Variants in SMG1 observed in about 807,000 individuals in gnomAD.
The protein encoded by SMG1 is serine/threonine-protein kinase SMG1.
In SMG1, 22 loss-of-function variants were observed where a neutral mutation model predicts 419.9. The observed-to-expected ratio is 0.05, with a 90% confidence interval of 0.04 to 0.07. SMG1 has a LOEUF of 0.07. Ranked by LOEUF, SMG1 falls within the 10% of genes least tolerant of loss-of-function variation. The pLI, the probability that SMG1 is intolerant of heterozygous loss-of-function variation, is 1.00. For synonymous variants in SMG1, 1,538 were observed against 1,553.5 expected (o/e 0.99, Z 0.23); for missense variants, 3,185 against 4,342.0 (o/e 0.73, Z 7.49).
chr16:18,817,604 G>A, intron 56 of SMG1, 134 bp from the exon 57 acceptor site: 1 of 717,028 alleles, frequency 1.4e-6, no homozygotes, highest in Non-Finnish European at 2.2e-6. Context: ...GAAAATGTTT[G>A]GGAAATAGAC....
chr16:18,885,526 G>C lies in SMG1; in HGVS notation c.948+15C>G. ...CCCTCACCCCATGATCTGAAAAGCG[G>C]AATGAGGAACTCACCCTAAAATTAG... On this transcript the variant is annotated intron_variant, in intron 7 of 62. Transcript: ENST00000446231. 3 of 1,595,870 alleles carry C rather than the reference G, an allele frequency of 1.9e-6. No individual in the cohort carries two copies. The East Asian group carries it at 6.7e-5, about 36-fold the overall frequency.
At chr16:18,916,030 T>C (rs536207004) in intron 1 of SMG1, among the ~76,000 whole-genome samples, 7 of 132,088 alleles carry the variant, frequency 5.3e-5, no homozygotes, top group Admixed American at 2.6e-4. Context: ...GATCACACCA[T>C]TGCACTCCAG....
chr16:18,915,107 G>C (rs1176366579), intron 1 of SMG1, among the ~76,000 whole-genome samples: 1 of 151,902 alleles, frequency 6.6e-6, no homozygotes, highest in East Asian at 2.0e-4. Flanking sequence ...GAATAGCTGG[G>C]ACTACAGGTG....
Position 18,838,678 on chromosome 16 carries a change from T to C in SMG1, c.6957A>G (p.Arg2319=). The change falls in exon 43 of 63, where the codon AGA becomes AGG. Residue 2319 remains arginine, a synonymous_variant. Transcript: ENST00000446231. ...CAACCATAGACATGACTGCAGTAGA[T>C]CTTGCATAAGACTAAAGGAAAGGAA... ...EWWRVTQSYA[R]STAVMSMVGY... The C allele has an allele frequency of 2.5e-6, 4 of 1,601,942 alleles. No homozygotes were observed. Among genetic ancestry groups the C allele is most frequent in the Non-Finnish European group, 3.4e-6 (4 of 1,174,560 alleles).
chr16:18,832,099 T>C (rs2033224933), intron 51 of SMG1, among the ~76,000 whole-genome samples: 1 of 152,178 alleles, frequency 6.6e-6, no homozygotes, highest in Non-Finnish European at 1.5e-5. Context: ...GGCAGGGGGT[T>C]CATTAGACTA....
chr16:18,891,126 G>A (rs1346939344), intron 4 of SMG1, among the ~76,000 whole-genome samples: 3 of 152,132 alleles, frequency 2.0e-5, no homozygotes, highest in Non-Finnish European at 4.4e-5. Context: ...TGGAAACACA[G>A]AGCTGTGATC....
intron 5 of SMG1, among the ~76,000 whole-genome samples, chr16:18,890,346 A>T (rs1377320778): frequency 5.3e-5 from 8 of 152,352 alleles, no homozygotes; most frequent in African/African-American, 1.7e-4. Context: ...TAAAAAAAAT[A>T]AAATATTCCA....
rs770853592 is a variant in SMG1, at chr16:18,876,150, C to G, written c.1864G>C (p.Gly622Arg). ...CCTATTAGTGAGTTTTTGGCATTTC[C>G]AATTGTAGTCAGGGCACTGAGGTCA... ...IFDLSALTTI[G>R]NAKNSLIGMW... The change falls in exon 13 of 63, where the codon GGA becomes CGA. Residue 622 changes from glycine to arginine, a missense_variant. Transcript: ENST00000446231. 6.2e-7 allele frequency: 1 copy of G among 1,611,730 alleles called. No individual in the cohort carries two copies. The highest frequency in any genetic ancestry group is 8.5e-7 in the Non-Finnish European group (1 of 1,179,678).
Position 18,885,532 on chromosome 16 carries a change from G to A in SMG1, c.948+9C>T, listed in dbSNP as rs2036576954. Reference sequence around the variant, plus strand: ...CCCCATGATCTGAAAAGCGGAATGAGGAACTCACCCTAAAATTAGTGCTGA... The same window carrying A: ...CCCCATGATCTGAAAAGCGGAATGAAGAACTCACCCTAAAATTAGTGCTGA... On this transcript the variant is annotated intron_variant, in intron 7 of 62. Coordinates refer to ENST00000446231, the MANE Select transcript of SMG1 (RefSeq NM_015092.5). 6.3e-7 allele frequency: 1 copy of A among 1,595,934 alleles called. No individual in the cohort carries two copies. Among genetic ancestry groups the A allele is most frequent in the East Asian group, 2.2e-5 (1 of 44,866 alleles).
intron 33 of SMG1, among the ~76,000 whole-genome samples, chr16:18,850,967 C>T (rs2034558145): frequency 6.6e-6 from 1 of 152,186 alleles, no homozygotes; most frequent in African/African-American, 2.4e-5. Context: ...GTTGGCCAGG[C>T]TTGTCTCAAA....
chr16:18,837,156 ATT>A, intron 46 of SMG1, 95 bp downstream of exon 46: 1 of 1,149,782 alleles, frequency 8.7e-7, no homozygotes, highest in Non-Finnish European at 1.2e-6. Context: ...CATTTATGTG[ATT>A]TGTTACAATA....
chr16:18,864,510 T>A (rs989463462), intron 23 of SMG1, among the ~76,000 whole-genome samples: 39 of 152,164 alleles, frequency 2.6e-4, no homozygotes, highest in African/African-American at 8.9e-4. Flanking sequence ...TACTTACTTA[T>A]TTTTTGAGAC....
chr16:18,834,374 G>A lies in SMG1; in HGVS notation c.8395C>T (p.Arg2799Trp), dbSNP rs1308928091. 3 of 1,613,780 alleles carry A rather than the reference G, an allele frequency of 1.9e-6. No homozygotes were observed. Among genetic ancestry groups the A allele is most frequent in the Non-Finnish European group, 2.5e-6 (3 of 1,179,836 alleles). Residue 2799 changes from arginine (R) to tryptophan (W), a missense_variant, in exon 50 of 63, where the codon CGG becomes TGG. Around this residue, in one of 27 missense-constraint regions of SMG1, gnomAD observed 412 missense variants for 546.6 expected, o/e 0.75. Transcript: ENST00000446231. ...AGEQLVDLTSRDGAWFLEELC... is the reference protein window; with the variant it reads ...AGEQLVDLTSWDGAWFLEELC... ...TCCTCCAAGAACCAGGCTCCATCCC[G>A]AGAAGTCAGATCAACCAGCTGTTCT... is the stretch of plus-strand genomic sequence containing the variant.
chr16:18,901,610 C>A (rs771596447), intron 1 of SMG1, among the ~76,000 whole-genome samples: 28 of 152,060 alleles, frequency 1.8e-4, no homozygotes, highest in Non-Finnish European at 3.5e-4. Flanking sequence ...GTATCTTCAC[C>A]AAGGAGAGGT....
intron 37 of SMG1, 23 bp from the exon 38 acceptor site, chr16:18,847,630 T>C (rs372475757): frequency 6.6e-5 from 107 of 1,613,576 alleles, no homozygotes; most frequent in Middle Eastern, 1.7e-4. Flanking sequence ...CACACCCAAA[T>C]AGCTCATCTA....
chr16:18,882,434 T>C (rs1596588959), intron 9 of SMG1, 96 bp from the exon 10 acceptor site: 3 of 662,074 alleles, frequency 4.5e-6, no homozygotes, highest in East Asian at 6.2e-5. Context: ...CATTTTAGAA[T>C]AGATTTTTAG....
chr16:18,889,256 A>G (rs1382148151), intron 6 of SMG1, 116 bp downstream of exon 6: 1 of 501,254 alleles, frequency 2.0e-6, no homozygotes, highest in Non-Finnish European at 3.6e-6. Context: ...CATATTTCCT[A>G]TCAGTAGATA....
At chr16:18,810,606 C>T (rs2141058108) in intron 62 of SMG1, among the ~76,000 whole-genome samples, 1 of 152,276 alleles carries the variant, frequency 6.6e-6, no homozygotes, top group Non-Finnish European at 1.5e-5. Context: ...TCTATCTATA[C>T]ACAAAATGCA....
In SMG1 at chr16:18,902,882, C is replaced by A. The variant is rs1236375388; in HGVS notation, c.93-5926G>T. ...TTTGAAACAGGGTCTCACCCTGTCG[C>A]CCAGGCTAGAGTGCAGTGGCGCAAT... On this transcript the variant is annotated intron_variant, in intron 1 of 62. Coordinates refer to ENST00000446231, the MANE Select transcript of SMG1 (RefSeq NM_015092.5). Among the ~76,000 whole-genome samples, 3 of 152,226 alleles carry A rather than the reference C, an allele frequency of 2.0e-5. No homozygotes were observed. The South Asian group carries it at 6.2e-4, about 32-fold the overall frequency.
Sources: allele counts gnomAD v4.1 joint callset (sites outside exome capture counted in the v4.1 genomes callset), GRCh38; gene constraint gnomAD v4.1.1; regional missense constraint gnomAD v4.1.1; transcripts MANE v1.5; gene names NCBI Gene and HGNC (gene_info 2026-07-23, HGNC 2026-07-21).